Variants in ZNF385D observed in about 807,000 individuals in gnomAD.
ZNF385D encodes the protein zinc finger protein 385D, also known as zinc finger protein 659.
Under a neutral mutation model 35.8 loss-of-function variants are expected in ZNF385D, and 15 were observed. The observed-to-expected ratio is 0.42, with a 90% CI of 0.28 to 0.64. The LOEUF (loss-of-function observed/expected upper bound fraction) is 0.64. ZNF385D is among the 30% of genes least tolerant of loss of function. The pLI, the probability that ZNF385D is intolerant of heterozygous loss-of-function variation, is 0.23. For synonymous variants in ZNF385D, 212 were observed against 186.8 expected (o/e 1.13, Z -1.10); for missense variants, 474 against 494.6 (o/e 0.96, Z 0.39).
intron 3 of ZNF385D, among the ~76,000 whole-genome samples, chr3:21,923,537 A>G (rs1274383432): frequency 6.6e-6 from 1 of 152,178 alleles, no homozygotes. Flanking sequence ...AAATCATTCT[A>G]TCAAAAACAC....
At position 21,424,039 on chromosome 3, in the gene ZNF385D, T is replaced by C; in HGVS notation, c.878A>G (p.Asp293Gly). ...TTTCGGGGGCTTCCCAGCAGCTCTG[T>C]CTTTGTGCCTTCTACTGCTAATGTG... is the stretch of plus-strand genomic sequence containing the variant. ...KQHISSRRHK[D>G]RAAGKPPKPK... is the part of the protein sequence containing the mutation. The change falls in exon 7 of 8, where the codon GAC becomes GGC. Residue 293 changes from aspartate (D) to glycine (G), a missense_variant. Transcript: ENST00000281523. 1.3e-6 allele frequency: 2 copies of C among 1,599,956 alleles called. No homozygotes were observed. Among genetic ancestry groups the C allele is most frequent in the Non-Finnish European group, 8.5e-7 (1 of 1,175,428 alleles).
In ZNF385D at chr3:22,147,404, G is replaced by C. The variant is rs188726965; in HGVS notation, c.325+21413C>G. ...TGGGAATTGGCCATAGCCCAAATCA[G>C]TTCCACGAATGCTATCCTGAGGCTT... On this transcript the variant is annotated intron_variant, in intron 3 of 5. Coordinates refer to the ZNF385D transcript ENST00000494108. Among the ~76,000 whole-genome samples, 48 of 152,220 alleles carry C rather than the reference G, an allele frequency of 3.2e-4. 1 individual carries two copies. The highest frequency in any genetic ancestry group is 2.4e-3 in the Admixed American group (36 of 15,278).
At chr3:21,495,202 C>G (rs1361106955) in intron 4 of ZNF385D, among the ~76,000 whole-genome samples, 1 of 151,480 alleles carries the variant, frequency 6.6e-6, no homozygotes, top group Non-Finnish European at 1.5e-5. Flanking sequence ...ACTCAAATCC[C>G]TATTTCAGTG....
intron 3 of ZNF385D, among the ~76,000 whole-genome samples, chr3:21,934,909 A>G (rs990452194): frequency 1.3e-5 from 2 of 152,188 alleles, no homozygotes; most frequent in African/African-American, 4.8e-5. Flanking sequence ...CTCCACTTAA[A>G]CATAGAAGTC....
chr3:22,230,444 T>C (rs1484874653), intron 2 of ZNF385D, among the ~76,000 whole-genome samples: 1 of 152,150 alleles, frequency 6.6e-6, no homozygotes, highest in Non-Finnish European at 1.5e-5. Flanking sequence ...TGGAGTTTTC[T>C]TAGTTCCCCG....
At chr3:21,873,208 A>G (rs1036778323) in intron 3 of ZNF385D, among the ~76,000 whole-genome samples, 4 of 152,176 alleles carry the variant, frequency 2.6e-5, no homozygotes, top group Non-Finnish European at 5.9e-5. Flanking sequence ...ATATAAGTGT[A>G]TAAGTGTGTT....
rs535082105 is a variant in ZNF385D at position 22,122,239 on chromosome 3, T to C, written c.325+46578A>G. Among the ~76,000 whole-genome samples, 14 of 152,294 alleles carry C rather than the reference T, an allele frequency of 9.2e-5. No homozygotes were observed. The East Asian group carries it at 1.9e-3, about 21-fold the overall frequency. ...ACCTTCTTTCTACCAGAACTTGCTC[T>C]TACTAATTGAAGCTTGCAAGTGACA... is the stretch of plus-strand genomic sequence containing the variant. On this transcript the variant is annotated intron_variant, in intron 3 of 5. Coordinates refer to the ZNF385D transcript ENST00000494108.
At chr3:21,511,144 T>C in intron 3 of ZNF385D, 121 bp from the exon 4 acceptor site, 3 of 1,242,222 alleles carry the variant, frequency 2.4e-6, no homozygotes, top group Non-Finnish European at 3.3e-6. Context: ...ATTCTGGCCG[T>C]GGCCAGACAG....
chr3:22,089,452 T>C (rs1429811780), intron 3 of ZNF385D, among the ~76,000 whole-genome samples: 1 of 152,096 alleles, frequency 6.6e-6, no homozygotes, highest in African/African-American at 2.4e-5. Flanking sequence ...TACCTGTGAG[T>C]TCCCAAAGAC....
chr3:21,891,542 G>A (rs1208481742), intron 3 of ZNF385D, among the ~76,000 whole-genome samples: 1 of 152,026 alleles, frequency 6.6e-6, no homozygotes, highest in Non-Finnish European at 1.5e-5. Context: ...ATAAGACATG[G>A]GTTTATTTCT....
chr3:22,146,643 T>A (rs1021154267), intron 3 of ZNF385D, among the ~76,000 whole-genome samples: 1 of 152,144 alleles, frequency 6.6e-6, no homozygotes, highest in South Asian at 2.1e-4. Flanking sequence ...TCTCTAATAT[T>A]TGTAAAATCA....
intron 3 of ZNF385D, among the ~76,000 whole-genome samples, chr3:22,059,387 C>T (rs891780953): frequency 1.1e-4 from 16 of 152,098 alleles, no homozygotes; most frequent in African/African-American, 3.6e-4. Context: ...GCAGCAAGAA[C>T]CAGAGAATTG....
chr3:21,772,375 TAAC>T (rs148663195), intron 3 of ZNF385D, among the ~76,000 whole-genome samples: 16 of 75,406 alleles, frequency 2.1e-4, no homozygotes, highest in Non-Finnish European at 4.7e-4. Flanking sequence ...TCCTAAAACT[TAAC>T]AACAACAACA....
At chr3:22,030,295 A>ATC (rs1316503980) in intron 3 of ZNF385D, among the ~76,000 whole-genome samples, 3 of 110,772 alleles carry the variant, frequency 2.7e-5, no homozygotes, top group Admixed American at 2.0e-4. Flanking sequence ...ATATATATAT[A>ATC]TATATATCCT....
intron 3 of ZNF385D, among the ~76,000 whole-genome samples, chr3:21,873,533 G>T (rs1697803378): frequency 6.6e-6 from 1 of 152,040 alleles, no homozygotes; most frequent in Admixed American, 6.6e-5. Flanking sequence ...TAGGTGTACA[G>T]TATGGTATTC....
intron 3 of ZNF385D, among the ~76,000 whole-genome samples, chr3:21,927,681 G>C (rs1300347557): frequency 1.3e-5 from 2 of 152,178 alleles, no homozygotes; most frequent in Non-Finnish European, 2.9e-5. Flanking sequence ...TAGAGCTAGA[G>C]TGAATATTCT....
rs531399267 is a variant in ZNF385D at position 22,259,640 on chromosome 3, A to C, written c.107-90605T>G. On this transcript the variant is annotated intron_variant, in intron 2 of 5. Transcript: ENST00000494108. The stretch of plus-strand genomic sequence containing the variant: ...GTTTTGAGATTTAACAAAATAAATA[A>C]TTTTTAATTTTTACTGCTTTATAGG... Among the ~76,000 whole-genome samples the C allele has an allele frequency of 6.6e-5, 10 of 152,074 alleles. No homozygotes were observed. In the South Asian group the frequency reaches 1.9e-3, roughly 28 times the overall value.
intron 2 of ZNF385D, among the ~76,000 whole-genome samples, chr3:22,301,091 T>C (rs1446546205): frequency 1.3e-5 from 2 of 152,012 alleles, no homozygotes; most frequent in African/African-American, 4.8e-5. Flanking sequence ...AGTGTAATAT[T>C]ATGCAGCCCT....
intron 3 of ZNF385D, among the ~76,000 whole-genome samples, chr3:21,858,496 T>C (rs964661921): frequency 1.3e-5 from 2 of 152,004 alleles, no homozygotes; most frequent in African/African-American, 4.8e-5. Context: ...AGAGTCCTCA[T>C]GAATGGATTA....
Sources: gnomAD v4.1 joint callset for allele counts (sites outside exome capture counted in the v4.1 genomes callset) on GRCh38, gnomAD v4.1.1 for gene constraint, MANE v1.5 for transcripts, NCBI Gene and HGNC (gene_info 2026-07-23, HGNC 2026-07-21) for gene names.